Variants in WDR4 observed in about 807,000 individuals in gnomAD.
WDR4 encodes the protein WDR4 tRNA N7-guanosine methyltransferase non-catalytic subunit, also known as tRNA (guanine-N(7)-)-methyltransferase non-catalytic subunit WDR4.
In WDR4, 47 loss-of-function variants were observed where a neutral mutation model predicts 48.6. The observed-to-expected ratio is 0.97, with a 90% CI of 0.77 to 1.23. The LOEUF is 1.23. Among genes scored for constraint, WDR4 ranks in the 50% most tolerant of loss-of-function variants. WDR4 has a pLI of 0.00. For missense variants in WDR4, 606 were observed against 551.6 expected (o/e 1.10, Z -0.99); for synonymous variants, 268 against 230.0 (o/e 1.17, Z -1.49).
chr21:42,852,165 A>C (rs1602692895), intron 10 of WDR4, 90 bp downstream of exon 10: 6 of 1,327,220 alleles, frequency 4.5e-6, no homozygotes, highest in Non-Finnish European at 6.4e-6. Flanking sequence ...CACACCAGGT[A>C]CCCCGGGCAG....
intron 8 of WDR4, 91 bp from the exon 9 acceptor site, chr21:42,853,843 C>T (rs924405321): frequency 1.7e-5 from 23 of 1,366,876 alleles, no homozygotes; most frequent in African/African-American, 2.9e-5. Context: ...CAGCCCTCGC[C>T]GGTGCCACCT....
At chr21:42,844,049 C>A (rs904259529) in intron 11 of WDR4, among the ~76,000 whole-genome samples, 1 of 152,078 alleles carries the variant, frequency 6.6e-6, no homozygotes, top group African/African-American at 2.4e-5. Flanking sequence ...CACAATGGCT[C>A]ATACAGAAAA....
At chr21:42,867,393 CAAAAAAAAA>C (rs1209418380) in intron 3 of WDR4, among the ~76,000 whole-genome samples, 2 of 133,520 alleles carry the variant, frequency 1.5e-5, no homozygotes, top group Non-Finnish European at 3.2e-5. Flanking sequence ...TCCGCTCCAC[CAAAAAAAAA>C]AAAAAAAAAA....
intron 1 of WDR4, chr21:42,879,050 G>A: frequency 1.8e-6 from 2 of 1,083,032 alleles, no homozygotes; most frequent in Non-Finnish European, 2.2e-6. Flanking sequence ...GCCGGGCCTT[G>A]CTGACTGGTC....
intron 3 of WDR4, among the ~76,000 whole-genome samples, chr21:42,871,165 G>A (rs992098720): frequency 3.7e-4 from 57 of 152,330 alleles, no homozygotes; most frequent in African/African-American, 1.4e-3. Flanking sequence ...AGCAAGCCAA[G>A]GAGAGAGGCC....
the WDR4 span, chr21:42,886,833 A>C: frequency 2.0e-5 from 3 of 152,320 alleles, no homozygotes; most frequent in Non-Finnish European, 2.9e-5. Flanking sequence ...CAATAGCCCC[A>C]GCCCACTGAA....
chr21:42,870,302 G>A (rs1235189165), intron 3 of WDR4, among the ~76,000 whole-genome samples: 1 of 152,218 alleles, frequency 6.6e-6, no homozygotes, highest in Non-Finnish European at 1.5e-5. Flanking sequence ...AGTGAGCCGG[G>A]ATTGGGCCAC....
rs547950994 is a variant in WDR4 at position 42,862,887 on chromosome 21, C to T, written c.454-493G>A. ...TGCGTCCAATCCCAGCTCCACCACC[C>T]GGGCTGTGGGCCTGCGCCCTCTGGG... is the stretch of plus-strand genomic sequence containing the variant. On this transcript the variant is annotated intron_variant, in intron 4 of 10. Coordinates refer to ENST00000398208, the MANE Select transcript of WDR4 (RefSeq NM_018669.6). This position sits in a 1 kb window ranked among gnomAD's most constrained non-coding sequence, Gnocchi z 4.3. 1.3e-5 allele frequency among the ~76,000 whole-genome samples: 2 copies of T among 152,328 alleles called. No homozygotes were observed. Among genetic ancestry groups the T allele is most frequent in the South Asian group, 2.1e-4 (1 of 4,828 alleles).
intron 5 of WDR4, among the ~76,000 whole-genome samples, chr21:42,860,103 C>T (rs1190803291): frequency 6.6e-6 from 1 of 152,184 alleles, no homozygotes; most frequent in Non-Finnish European, 1.5e-5. Context: ...TGGCCCAAGG[C>T]ACCTGCACTG....
At chr21:42,864,765 T>A (rs1299857121) in intron 3 of WDR4, among the ~76,000 whole-genome samples, 2 of 152,162 alleles carry the variant, frequency 1.3e-5, no homozygotes, top group African/African-American at 2.4e-5. Context: ...CATTTCCACA[T>A]CATTTCTACT....
In WDR4 at chr21:42,879,450, C is replaced by T. The variant is rs1280303852; in HGVS notation, c.46G>A (p.Val16Met). 1 of 1,613,700 alleles carries T rather than the reference C, an allele frequency of 6.2e-7. No individual in the cohort carries two copies. Among genetic ancestry groups the T allele is most frequent in the African/African-American group, 1.3e-5 (1 of 74,930 alleles). Residue 16 changes from valine (V) to methionine (M), a missense_variant, in exon 1 of 11, where the codon GTG becomes ATG. Transcript: ENST00000398208. ...GCCAGGAATCGGCTGCCGCCCCGCA[C>T]CACCAACGTCTGCCCGCACAACGCC... Reference protein sequence around the residue: ...GLALCGQTLVVRGGSRFLATS... With the variant: ...GLALCGQTLVMRGGSRFLATS...
chr21:42,847,578 G>A (rs1380517939), downstream of WDR4, among the ~76,000 whole-genome samples: 1 of 152,224 alleles, frequency 6.6e-6, no homozygotes, highest in Non-Finnish European at 1.5e-5. Context: ...CCGTGAGGAG[G>A]GCGTTCCGTC....
At chr21:42,885,476 G>C in the WDR4 span, among the ~76,000 whole-genome samples, 22 of 152,170 alleles carry the variant, frequency 1.4e-4, 1 homozygote, top group South Asian at 2.1e-3. Context: ...CGGGCATGGT[G>C]GCACGTGCCT....
chr21:42,876,565 T>A (rs1420055652), intron 2 of WDR4, 137 bp downstream of exon 2: 1 of 757,772 alleles, frequency 1.3e-6, no homozygotes, highest in Non-Finnish European at 2.1e-6. Flanking sequence ...ATGTCTCTCC[T>A]GAGGTGCTAC....
intron 3 of WDR4, among the ~76,000 whole-genome samples, chr21:42,866,942 GC>G (rs1399873187): frequency 2.0e-5 from 3 of 152,206 alleles, no homozygotes; most frequent in Admixed American, 1.3e-4. Flanking sequence ...AGCAAGGCGT[GC>G]CCTACACCAA....
At chr21:42,886,582 C>G in the WDR4 span, among the ~76,000 whole-genome samples, 16 of 152,176 alleles carry the variant, frequency 1.1e-4, no homozygotes, top group Non-Finnish European at 2.2e-4. Context: ...TGCCAGTTTG[C>G]CCACCACTTT....
intron 3 of WDR4, among the ~76,000 whole-genome samples, chr21:42,873,103 C>A (rs562133951): frequency 2.0e-5 from 3 of 152,298 alleles, no homozygotes; most frequent in South Asian, 2.1e-4. Flanking sequence ...GACATATGTG[C>A]ACTAAACCCA....
upstream of WDR4, among the ~76,000 whole-genome samples, chr21:42,881,794 C>T (rs2146128919): frequency 6.6e-6 from 1 of 152,260 alleles, no homozygotes; most frequent in Admixed American, 6.5e-5. Flanking sequence ...CTCATAAAAA[C>T]TATGGCTTTC....
At chr21:42,876,187 G>C (rs1166081246) in intron 2 of WDR4, among the ~76,000 whole-genome samples, 1 of 146,358 alleles carries the variant, frequency 6.8e-6, no homozygotes. Context: ...TTATAGGCAT[G>C]AGCCACCGCA....
Sources: gnomAD v4.1 joint callset for allele counts (sites outside exome capture counted in the v4.1 genomes callset) on GRCh38, gnomAD v4.1.1 for gene constraint, Gnocchi (gnomAD v3.1) non-coding constraint, MANE v1.5 for transcripts, NCBI Gene and HGNC (gene_info 2026-07-23, HGNC 2026-07-21) for gene names.